ADORA2B: variants seen among roughly 807,000 people sequenced by gnomAD.
ADORA2B encodes adenosine receptor A2b.
A neutral mutation model predicts 20.8 loss-of-function variants in ADORA2B; 18 were observed. The ratio of observed to expected loss-of-function variants is 0.87; its 90% CI spans 0.60 to 1.29. The LOEUF (loss-of-function observed/expected upper bound fraction) is 1.29. Among genes scored for constraint, ADORA2B ranks in the 50% most tolerant of loss-of-function variants. The probability of loss-of-function intolerance (pLI) is 0.00; values close to 1 mark genes in which losing one functional copy is unlikely to be tolerated. For synonymous variants in ADORA2B, 179 were observed against 178.3 expected (o/e 1.00, Z -0.03); for missense variants, 441 against 422.7 (o/e 1.04, Z -0.38).
chr17:15,974,180 A>G (rs1322440040), intron 1 of ADORA2B: 1 of 153,770 alleles, frequency 6.5e-6, no homozygotes, highest in Non-Finnish European at 1.4e-5. Context: ...TTGATTGGCC[A>G]AAAGTCGAGG....
upstream of ADORA2B, among the ~76,000 whole-genome samples, chr17:15,942,473 A>G (rs1969753308): frequency 6.6e-6 from 1 of 152,196 alleles, no homozygotes; most frequent in South Asian, 2.1e-4. Context: ...TTCTTTGTAA[A>G]TTACCCAGTC....
the ADORA2B span, among the ~76,000 whole-genome samples, chr17:15,915,893 A>G: frequency 6.6e-6 from 1 of 152,198 alleles, no homozygotes; most frequent in Non-Finnish European, 1.5e-5. Context: ...CCCAGAAACA[A>G]TGTCCAACCA....
chr17:15,949,499 T>A (rs1261236843), intron 1 of ADORA2B, among the ~76,000 whole-genome samples: 1 of 151,022 alleles, frequency 6.6e-6, no homozygotes, highest in Admixed American at 6.6e-5. Context: ...GGCAACAGAG[T>A]GAGACTGTGT....
At chr17:15,872,205 G>A in the ADORA2B span, among the ~76,000 whole-genome samples, 6 of 152,108 alleles carry the variant, frequency 3.9e-5, no homozygotes, top group Admixed American at 2.0e-4. Flanking sequence ...AGTGATGGTC[G>A]CACAACATTG....
the ADORA2B span, among the ~76,000 whole-genome samples, chr17:15,889,677 C>G: frequency 7.7e-6 from 1 of 129,984 alleles, no homozygotes; most frequent in South Asian, 2.3e-4. Flanking sequence ...GCGGGTAGAT[C>G]ACCTGAGCTC....
At chr17:15,971,563 T>C (rs991961660) in intron 1 of ADORA2B, among the ~76,000 whole-genome samples, 4 of 151,990 alleles carry the variant, frequency 2.6e-5, no homozygotes, top group Non-Finnish European at 5.9e-5. Context: ...TCCTAGTAAG[T>C]AGAATCTTTC....
chr17:15,926,163 C>T, the ADORA2B span, among the ~76,000 whole-genome samples: 18 of 152,048 alleles, frequency 1.2e-4, no homozygotes, highest in Non-Finnish European at 2.4e-4. Flanking sequence ...CTGAGCAGCC[C>T]CAAGATTCCT....
At chr17:15,938,602 C>T in the ADORA2B span, among the ~76,000 whole-genome samples, 1 of 152,108 alleles carries the variant, frequency 6.6e-6, no homozygotes, top group Non-Finnish European at 1.5e-5. Flanking sequence ...ATACCTGGCT[C>T]ATATTCAGTG....
At chr17:15,916,527 G>A in the ADORA2B span, among the ~76,000 whole-genome samples, 2 of 151,692 alleles carry the variant, frequency 1.3e-5, no homozygotes, top group Non-Finnish European at 2.9e-5. Flanking sequence ...AGCAAGGAGG[G>A]GGGGTACATG....
the ADORA2B span, among the ~76,000 whole-genome samples, chr17:15,892,229 C>T: frequency 1.3e-4 from 19 of 151,302 alleles, no homozygotes; most frequent in African/African-American, 4.1e-4. Flanking sequence ...AGTGCAGTGG[C>T]GTGATCTAGG....
intron 1 of ADORA2B, among the ~76,000 whole-genome samples, chr17:15,970,347 T>C (rs1407969612): frequency 1.3e-5 from 2 of 152,224 alleles, no homozygotes; most frequent in African/African-American, 2.4e-5. Flanking sequence ...AGAGAAGGCA[T>C]GACAGTTTTG....
chr17:15,851,474 C>T, the ADORA2B span, among the ~76,000 whole-genome samples: 6 of 151,836 alleles, frequency 4.0e-5, no homozygotes, highest in African/African-American at 1.5e-4. Flanking sequence ...TGCTCTGTGC[C>T]TGCCTCATAC....
chr17:15,912,927 C>G, the ADORA2B span, among the ~76,000 whole-genome samples: 3 of 152,358 alleles, frequency 2.0e-5, no homozygotes, highest in Non-Finnish European at 2.9e-5. Flanking sequence ...GGCTTCAGGC[C>G]ACTTAGTTGC....
chr17:15,884,754 T>C, the ADORA2B span, among the ~76,000 whole-genome samples: 1 of 152,200 alleles, frequency 6.6e-6, no homozygotes, highest in East Asian at 1.9e-4. Context: ...GTGATCTCGT[T>C]CCTTTTTATG....
the ADORA2B span, among the ~76,000 whole-genome samples, chr17:15,885,726 C>CA: frequency 2.0e-4 from 28 of 141,354 alleles, no homozygotes; most frequent in Admixed American, 3.6e-4. Flanking sequence ...AAAAAAAAAA[C>CA]AAAAAAAAAC....
At chr17:15,928,350 CT>C in the ADORA2B span, among the ~76,000 whole-genome samples, 35 of 144,972 alleles carry the variant, frequency 2.4e-4, no homozygotes, top group South Asian at 2.2e-4. Context: ...TTTCTTTCCT[CT>C]TTTTTTTTTT....
the ADORA2B span, among the ~76,000 whole-genome samples, chr17:15,880,122 C>T: frequency 9.0e-5 from 13 of 143,656 alleles, no homozygotes; most frequent in Non-Finnish European, 1.5e-4. Context: ...GGCCCGCCAT[C>T]GACCCCGGTG....
chr17:15,894,753 A>C, the ADORA2B span, among the ~76,000 whole-genome samples: 8 of 152,322 alleles, frequency 5.3e-5, no homozygotes, highest in African/African-American at 1.9e-4. Flanking sequence ...CCATTTTCTG[A>C]GATGGGGAGG....
At chr17:15,953,472 G>T (rs2535610) in intron 1 of ADORA2B, among the ~76,000 whole-genome samples, 123,026 of 152,050 alleles carry the variant, frequency 0.81, 55,438 homozygotes, top group Non-Finnish European at 0.99. Context: ...CCCGAGGGGC[G>T]CTCTGGGCTG....
Sources: gnomAD v4.1 joint callset for allele counts (sites outside exome capture counted in the v4.1 genomes callset) on GRCh38, gnomAD v4.1.1 for gene constraint, MANE v1.5 for transcripts, NCBI Gene and HGNC (gene_info 2026-07-23, HGNC 2026-07-21) for gene names.